ELMO1: variants seen among roughly 807,000 people sequenced by gnomAD.
ELMO1 encodes the protein engulfment and cell motility protein 1.
A neutral mutation model predicts 98.9 loss-of-function variants in ELMO1; 26 were observed. The ratio of observed to expected loss-of-function variants is 0.26; its 90% CI spans 0.19 to 0.36. The LOEUF (loss-of-function observed/expected upper bound fraction) is 0.36, where lower values mean the gene tolerates loss of function less well. Ranked by LOEUF, ELMO1 falls within the 10% of genes least tolerant of loss-of-function variation. The pLI is 1.00. For synonymous variants in ELMO1, 346 were observed against 346.0 expected (o/e 1.00, Z 0.00); for missense variants, 627 against 935.2 (o/e 0.67, Z 4.30).
At chr7:37,236,767 C>T (rs1210250865) in intron 7 of ELMO1, among the ~76,000 whole-genome samples, 1 of 152,126 alleles carries the variant, frequency 6.6e-6, no homozygotes, top group African/African-American at 2.4e-5. Context: ...CATTCCAAAT[C>T]AAGGGATTCA....
At chr7:37,304,561 CA>C (rs1334029855) in intron 4 of ELMO1, among the ~76,000 whole-genome samples, 1 of 152,046 alleles carries the variant, frequency 6.6e-6, no homozygotes, top group Non-Finnish European at 1.5e-5. Context: ...ACTAAAAATA[CA>C]AAAATTAGCT....
chr7:36,894,837 A>T lies in ELMO1; in HGVS notation c.1601+17T>A. Reference sequence around the variant, plus strand: ...TAGAGTCTTTTGGGAGATAGAAGTCAATACTAGGTAACTTACAAAATCGGG... The same window carrying T: ...TAGAGTCTTTTGGGAGATAGAAGTCTATACTAGGTAACTTACAAAATCGGG... On this transcript the variant is annotated intron_variant, in intron 17 of 21. Transcript: ENST00000310758. The T allele has an allele frequency of 6.2e-7, 1 of 1,614,016 alleles. No homozygotes were observed. Among genetic ancestry groups the T allele is most frequent in the African/African-American group, 1.3e-5 (1 of 75,046 alleles).
intron 16 of ELMO1, among the ~76,000 whole-genome samples, chr7:36,902,050 C>T (rs768902518): frequency 6.6e-6 from 1 of 152,184 alleles, no homozygotes; most frequent in Non-Finnish European, 1.5e-5. Flanking sequence ...ACTGTGGTTC[C>T]ACCACTGCAG....
chr7:37,205,412 G>A (rs1458595893), intron 13 of ELMO1, among the ~76,000 whole-genome samples: 1 of 152,072 alleles, frequency 6.6e-6, no homozygotes, highest in East Asian at 1.9e-4. Context: ...TTGTTGATTT[G>A]TTAACAATGA....
chr7:37,304,673 G>A (rs773868111), intron 4 of ELMO1, among the ~76,000 whole-genome samples: 18 of 152,108 alleles, frequency 1.2e-4, no homozygotes, highest in Admixed American at 1.2e-3. Context: ...CCGAGATTGC[G>A]CCACTGCGCT....
At chr7:37,403,520 T>A (rs565158254) in intron 1 of ELMO1, among the ~76,000 whole-genome samples, 1 of 152,088 alleles carries the variant, frequency 6.6e-6, no homozygotes, top group Non-Finnish European at 1.5e-5. Context: ...AGTAGCTACA[T>A]GACACGGTGC....
chr7:36,890,555 C>G (rs1164125816), intron 17 of ELMO1, among the ~76,000 whole-genome samples: 1 of 152,198 alleles, frequency 6.6e-6, no homozygotes, highest in Non-Finnish European at 1.5e-5. Flanking sequence ...CTTGACTTCT[C>G]TCTTTCTCTT....
intron 1 of ELMO1, among the ~76,000 whole-genome samples, chr7:37,352,682 A>G (rs1383824653): frequency 6.6e-6 from 1 of 152,184 alleles, no homozygotes; most frequent in African/African-American, 2.4e-5. Flanking sequence ...CCCATATTGA[A>G]TTATCACCAC....
intron 7 of ELMO1, among the ~76,000 whole-genome samples, chr7:37,240,391 C>T (rs1300022730): frequency 6.6e-6 from 1 of 151,658 alleles, no homozygotes; most frequent in Non-Finnish European, 1.5e-5. Context: ...AGTGATATTC[C>T]CTCTTTTATC....
intron 13 of ELMO1, among the ~76,000 whole-genome samples, chr7:37,177,144 A>G (rs1790540528): frequency 6.6e-6 from 1 of 152,244 alleles, no homozygotes; most frequent in South Asian, 2.1e-4. Context: ...TCAGAATGAG[A>G]ACTCTAAACA....
chr7:37,227,921 C>A (rs1793956466), intron 8 of ELMO1, among the ~76,000 whole-genome samples: 1 of 152,128 alleles, frequency 6.6e-6, no homozygotes, highest in Admixed American at 6.5e-5. Context: ...CTTTAAAATT[C>A]ATGTTCCTAG....
chr7:37,041,476 G>A (rs924321588), intron 15 of ELMO1, among the ~76,000 whole-genome samples: 4 of 152,162 alleles, frequency 2.6e-5, no homozygotes, highest in Admixed American at 2.0e-4. Flanking sequence ...AGACACACAC[G>A]TTTATCAGGA....
chr7:37,209,798 C>G (rs530436003), intron 13 of ELMO1, among the ~76,000 whole-genome samples: 1 of 152,286 alleles, frequency 6.6e-6, no homozygotes, highest in African/African-American at 2.4e-5. Context: ...CATCGACACA[C>G]AAGTACAGGA....
At chr7:37,427,840 A>C (rs1804769948) in intron 1 of ELMO1, among the ~76,000 whole-genome samples, 1 of 152,230 alleles carries the variant, frequency 6.6e-6, no homozygotes, top group African/African-American at 2.4e-5. Flanking sequence ...CACCATCCCC[A>C]GGAAAATCCT....
chr7:37,185,157 A>G (rs1386138240), intron 13 of ELMO1, among the ~76,000 whole-genome samples: 1 of 152,218 alleles, frequency 6.6e-6, no homozygotes, highest in Non-Finnish European at 1.5e-5. Context: ...CAAAGGATCG[A>G]CAGATTAAGT....
intron 16 of ELMO1, among the ~76,000 whole-genome samples, chr7:36,924,296 C>G (rs1459852373): frequency 6.6e-6 from 1 of 152,136 alleles, no homozygotes; most frequent in Non-Finnish European, 1.5e-5. Context: ...GAGAGGTTTG[C>G]AAGTCCATGG....
At chr7:37,100,731 C>T (rs918836439) in intron 14 of ELMO1, among the ~76,000 whole-genome samples, 9 of 152,336 alleles carry the variant, frequency 5.9e-5, no homozygotes, top group African/African-American at 1.9e-4. Flanking sequence ...AACCTAGGGT[C>T]AGGTGAGGCA....
intron 1 of ELMO1, among the ~76,000 whole-genome samples, chr7:37,432,531 A>G (rs2131565697): frequency 6.6e-6 from 1 of 152,362 alleles, no homozygotes; most frequent in South Asian, 2.1e-4. Context: ...TGTTCCAGAG[A>G]TGAAGAGCCA....
At chr7:37,377,833 A>G (rs1017969201) in intron 1 of ELMO1, among the ~76,000 whole-genome samples, 1 of 152,196 alleles carries the variant, frequency 6.6e-6, no homozygotes, top group South Asian at 2.1e-4. Context: ...ATAAGCATCA[A>G]AAAGCACAAC....
Sources: gnomAD v4.1 joint callset for allele counts (sites outside exome capture counted in the v4.1 genomes callset) on GRCh38, gnomAD v4.1.1 for gene constraint, MANE v1.5 for transcripts, NCBI Gene and HGNC (gene_info 2026-07-23, HGNC 2026-07-21) for gene names.